Variants in PELI2 observed in about 807,000 individuals in gnomAD.
The protein encoded by PELI2 is E3 ubiquitin-protein ligase pellino homolog 2.
In PELI2, 23 loss-of-function variants were observed where a neutral mutation model predicts 42.3. The ratio of observed to expected loss-of-function variants is 0.54; its 90% CI spans 0.39 to 0.77. PELI2 has a LOEUF of 0.77. PELI2 is among the 30% of genes least tolerant of loss of function. PELI2 has a pLI of 0.00. For synonymous variants in PELI2, 245 were observed against 212.2 expected (o/e 1.15, Z -1.34); for missense variants, 463 against 553.2 (o/e 0.84, Z 1.64).
chr14:56,259,103 A>G (rs890176535), intron 2 of PELI2, among the ~76,000 whole-genome samples: 6 of 152,302 alleles, frequency 3.9e-5, no homozygotes, highest in South Asian at 2.1e-4. Flanking sequence ...AAGGGAGACT[A>G]TCACCCTAGA....
rs1889413075 is a variant in PELI2, at chr14:56,279,741, G to A, written c.273G>A (p.Val91=). 1.2e-6 allele frequency: 2 copies of A among 1,600,564 alleles called. No individual in the cohort carries two copies. Among genetic ancestry groups the A allele is most frequent in the Non-Finnish European group, 1.7e-6 (2 of 1,168,238 alleles). ...TGTCAAGGAATCAGACTGTGGTGGT[G>A]GAGTACACACATGATAAGGATACGG... ...YTLSRNQTVV[V]EYTHDKDTDM... The change falls in exon 3 of 6, where the codon GTG becomes GTA. Residue 91 remains valine (V), a synonymous_variant. Transcript: ENST00000267460.
intron 2 of PELI2, among the ~76,000 whole-genome samples, chr14:56,193,432 G>T (rs1413886392): frequency 2.0e-5 from 3 of 152,260 alleles, no homozygotes; most frequent in South Asian, 2.1e-4. Context: ...TAAAAAAAAT[G>T]CAGGGAAGTT....
intron 2 of PELI2, among the ~76,000 whole-genome samples, chr14:56,255,595 G>A (rs886876005): frequency 6.6e-6 from 1 of 152,152 alleles, no homozygotes; most frequent in Admixed American, 6.5e-5. Context: ...TAACAAACCT[G>A]CATGTTGTGC....
intron 1 of PELI2, among the ~76,000 whole-genome samples, chr14:56,136,774 C>A (rs1030961811): frequency 1.3e-5 from 2 of 152,138 alleles, no homozygotes; most frequent in African/African-American, 4.8e-5. Flanking sequence ...TTCTCCTTCC[C>A]TTTCACCATC....
At chr14:56,283,839 G>A (rs1454227258) in intron 3 of PELI2, among the ~76,000 whole-genome samples, 1 of 152,168 alleles carries the variant, frequency 6.6e-6, no homozygotes, top group Non-Finnish European at 1.5e-5. Context: ...CCTGTTAGAA[G>A]GATCTGTGGC....
intron 1 of PELI2, among the ~76,000 whole-genome samples, chr14:56,127,422 A>G (rs553745294): frequency 3.3e-5 from 5 of 152,344 alleles, no homozygotes; most frequent in African/African-American, 1.2e-4. Context: ...AAAGGACAGG[A>G]TGAAGAGCTC....
chr14:56,271,768 C>T (rs984865495), intron 2 of PELI2, among the ~76,000 whole-genome samples: 3 of 152,208 alleles, frequency 2.0e-5, no homozygotes, highest in Non-Finnish European at 2.9e-5. Flanking sequence ...GCGTTCAGGA[C>T]GTTTCCTAGC....
At chr14:56,247,646 T>A (rs932849071) in intron 2 of PELI2, among the ~76,000 whole-genome samples, 3 of 152,172 alleles carry the variant, frequency 2.0e-5, no homozygotes, top group African/African-American at 7.2e-5. Flanking sequence ...ATCTTGAAAA[T>A]CATGGATTAA....
At position 56,197,915 on chromosome 14, in the gene PELI2, AGACACACAC is replaced by A. The variant is rs1210849809; in HGVS notation, c.207+19452_207+19460del. ...ACACACCAGGAATGGTGACTGGTGA[AGACACACAC>A]ACACACACACACACACACACACACC... On this transcript the variant is annotated intron_variant, in intron 2 of 5. Transcript: ENST00000267460. The surrounding 1 kb of genome is among the most constrained non-coding windows in gnomAD (Gnocchi z 4.9). Among the ~76,000 whole-genome samples the A allele has an allele frequency of 1.2e-4, 8 of 65,602 alleles. No homozygotes were observed. The highest frequency in any genetic ancestry group is 3.9e-4 in the Admixed American group (2 of 5,074). 43.0% of individuals were successfully genotyped at this position (65,602 alleles called of 152,430 possible). A position where few individuals can be genotyped will look rare whatever the true frequency, so the allele number is the denominator to read the frequency against.
At position 56,273,967 on chromosome 14, in the gene PELI2, C is replaced by T. The variant is rs545157022; in HGVS notation, c.208-5709C>T. ...TGAGAGTCTTTTGACCTTCCTCTCA[C>T]GTTGCAAGGTGGTCTACTTCAGCTC... On this transcript the variant is annotated intron_variant, in intron 2 of 5. Transcript: ENST00000267460. The surrounding 1 kb of genome is among the most constrained non-coding windows in gnomAD (Gnocchi z 4.3). 6.5e-4 allele frequency among the ~76,000 whole-genome samples: 99 copies of T among 152,284 alleles called. No homozygotes were observed. The highest frequency in any genetic ancestry group is 2.3e-3 in the South Asian group (11 of 4,814).
chr14:56,119,414 G>A (rs974182426), intron 1 of PELI2, among the ~76,000 whole-genome samples: 3 of 152,096 alleles, frequency 2.0e-5, no homozygotes, highest in Non-Finnish European at 4.4e-5. Flanking sequence ...GACAGGATGC[G>A]GCTGCTCGGG....
chr14:56,226,245 C>T (rs2139759746), intron 2 of PELI2, among the ~76,000 whole-genome samples: 1 of 152,348 alleles, frequency 6.6e-6, no homozygotes, highest in Middle Eastern at 3.4e-3. Context: ...GGTTCTTGCA[C>T]ATGCGTGGCT....
In PELI2 at chr14:56,197,999, CA is replaced by C. The variant is rs1566632192; in HGVS notation, c.207+19536del. Reference sequence around the variant, plus strand: ...ACACACACACACACACACACACACACACACACACACACACCCACCTCTTTGG... The same window carrying C: ...ACACACACACACACACACACACACACCACACACACACACCCACCTCTTTGG... On this transcript the variant is annotated intron_variant, in intron 2 of 5. Transcript: ENST00000267460. The surrounding 1 kb of genome is among the most constrained non-coding windows in gnomAD (Gnocchi z 4.9). Among the ~76,000 whole-genome samples the C allele has an allele frequency of 8.1e-5, 12 of 148,382 alleles. No homozygotes were observed. Among genetic ancestry groups the C allele is most frequent in the East Asian group, 6.1e-4 (3 of 4,890 alleles).
intron 2 of PELI2, among the ~76,000 whole-genome samples, chr14:56,270,178 G>T (rs958404900): frequency 6.6e-6 from 1 of 152,140 alleles, no homozygotes; most frequent in African/African-American, 2.4e-5. Flanking sequence ...CGAGTTCAAC[G>T]CTATTGCCTC....
chr14:56,211,800 C>G, intron 2 of PELI2, among the ~76,000 whole-genome samples: 1 of 124,850 alleles, frequency 8.0e-6, no homozygotes, highest in Admixed American at 8.7e-5. Flanking sequence ...ATTTAAAAGG[C>G]TCTTTTTTTT....
At position 56,251,546 on chromosome 14, in the gene PELI2, A is replaced by G. The variant is rs561725361; in HGVS notation, c.208-28130A>G. On this transcript the variant is annotated intron_variant, in intron 2 of 5. Coordinates refer to ENST00000267460, the MANE Select transcript of PELI2 (RefSeq NM_021255.3). ...GTTACCCTGTTGGTTGATTGTTGTGATGCAGGGAGGTGGAGTGACACACTT... is the reference window on the plus strand; with the variant it reads ...GTTACCCTGTTGGTTGATTGTTGTGGTGCAGGGAGGTGGAGTGACACACTT... 5.9e-5 allele frequency among the ~76,000 whole-genome samples: 9 copies of G among 152,210 alleles called. No homozygotes were observed. In the South Asian group the frequency reaches 1.7e-3, roughly 28 times the overall value.
chr14:56,230,427 G>T (rs1402452475), intron 2 of PELI2, among the ~76,000 whole-genome samples: 1 of 152,350 alleles, frequency 6.6e-6, no homozygotes, highest in Admixed American at 6.5e-5. Flanking sequence ...CAAGCCAGAA[G>T]AGAGTGGGGG....
intron 2 of PELI2, among the ~76,000 whole-genome samples, chr14:56,201,961 A>G (rs924612836): frequency 9.2e-5 from 14 of 152,234 alleles, no homozygotes; most frequent in African/African-American, 3.1e-4. Flanking sequence ...AGCACTTAAC[A>G]TGTGTTTAAC....
At chr14:56,201,934 G>A (rs1009473266) in intron 2 of PELI2, among the ~76,000 whole-genome samples, 13 of 152,180 alleles carry the variant, frequency 8.5e-5, no homozygotes. Context: ...TGTTAACTAT[G>A]TGTTAGATAC....
Sources: gnomAD v4.1 joint callset for allele counts (sites outside exome capture counted in the v4.1 genomes callset) on GRCh38, gnomAD v4.1.1 for gene constraint, Gnocchi (gnomAD v3.1) non-coding constraint, MANE v1.5 for transcripts, NCBI Gene and HGNC (gene_info 2026-07-23, HGNC 2026-07-21) for gene names.